The following CAMKMT variants were observed in gnomAD, a reference collection of about 807,000 sequenced individuals.
The protein encoded by CAMKMT is calmodulin-lysine N-methyltransferase.
A neutral mutation model predicts 48.0 loss-of-function variants in CAMKMT; 53 were observed. That is an observed-to-expected ratio of 1.10 (90% CI 0.89 to 1.39). CAMKMT has a LOEUF of 1.39. CAMKMT is among the 40% of genes most tolerant of loss of function. The probability of loss-of-function intolerance (pLI) is 0.00; values close to 1 mark genes in which losing one functional copy is unlikely to be tolerated. For missense variants in CAMKMT, 428 were observed against 402.7 expected (o/e 1.06, Z -0.54); for synonymous variants, 165 against 152.3 (o/e 1.08, Z -0.61).
At chr2:44,654,252 A>G (rs1296254076) in intron 3 of CAMKMT, among the ~76,000 whole-genome samples, 3 of 152,220 alleles carry the variant, frequency 2.0e-5, no homozygotes, top group Non-Finnish European at 4.4e-5. Flanking sequence ...TGTAATTTAC[A>G]TAGAATTTAG....
chr2:44,546,362 C>T (rs1667406154), intron 3 of CAMKMT, among the ~76,000 whole-genome samples: 1 of 152,188 alleles, frequency 6.6e-6, no homozygotes, highest in Admixed American at 6.5e-5. Flanking sequence ...TGCATCTCTC[C>T]TGAGGTCTAC....
In CAMKMT at chr2:44,362,304, C is replaced by T. The variant is rs113528142; in HGVS notation, c.138+159C>T. Among the ~76,000 whole-genome samples the T allele has an allele frequency of 3.0e-3, 457 of 152,274 alleles. 6 individuals are homozygous for T. The highest frequency in any genetic ancestry group is 6.5e-4 in the Non-Finnish European group (44 of 68,018). ...GAAGCTCCCCCTCGCTTCACCTAAGCGTCCCATCCAAGAGGAGGAATCATG... is the reference window on the plus strand; with the variant it reads ...GAAGCTCCCCCTCGCTTCACCTAAGTGTCCCATCCAAGAGGAGGAATCATG... On this transcript the variant is annotated intron_variant, in intron 1 of 10. Coordinates refer to ENST00000378494, the MANE Select transcript of CAMKMT (RefSeq NM_024766.5).
At chr2:44,533,029 G>A (rs1666575741) in intron 3 of CAMKMT, among the ~76,000 whole-genome samples, 1 of 151,830 alleles carries the variant, frequency 6.6e-6, no homozygotes, top group African/African-American at 2.4e-5. Flanking sequence ...GGCCAGGCTG[G>A]CCTCGAACTC....
chr2:44,712,435 T>C (rs988779208), intron 6 of CAMKMT, among the ~76,000 whole-genome samples: 4 of 152,110 alleles, frequency 2.6e-5, no homozygotes, highest in African/African-American at 7.2e-5. Context: ...ATATAACATG[T>C]ATATAATTTG....
intron 3 of CAMKMT, among the ~76,000 whole-genome samples, chr2:44,609,422 TA>T (rs1400058646): frequency 6.6e-6 from 1 of 152,220 alleles, no homozygotes; most frequent in Admixed American, 6.5e-5. Flanking sequence ...TCCATAGGTG[TA>T]TATACACAAT....
chr2:44,742,849 A>G (rs1679757177), intron 7 of CAMKMT, among the ~76,000 whole-genome samples: 1 of 152,192 alleles, frequency 6.6e-6, no homozygotes, highest in East Asian at 1.9e-4. Context: ...CAAAATAGAA[A>G]ATAGGAACAG....
At chr2:44,687,807 A>G (rs1042190672) in intron 3 of CAMKMT, among the ~76,000 whole-genome samples, 6 of 152,242 alleles carry the variant, frequency 3.9e-5, no homozygotes, top group Non-Finnish European at 8.8e-5. Flanking sequence ...GCAGCAAATG[A>G]AAGCAGGCAG....
At chr2:44,365,411 C>T (rs1678483749) in intron 1 of CAMKMT, among the ~76,000 whole-genome samples, 1 of 152,054 alleles carries the variant, frequency 6.6e-6, no homozygotes, top group South Asian at 2.1e-4. Flanking sequence ...TTGAGTCAAG[C>T]GAGTACTTAA....
chr2:44,625,664 A>G (rs151175787), intron 3 of CAMKMT, among the ~76,000 whole-genome samples: 3 of 152,208 alleles, frequency 2.0e-5, no homozygotes, highest in African/African-American at 7.2e-5. Flanking sequence ...TAGGAATGTG[A>G]TATATTTGAA....
chr2:44,764,809 A>G (rs77618275), intron 9 of CAMKMT, among the ~76,000 whole-genome samples: 2,714 of 152,318 alleles, frequency 0.018, 35 homozygotes, highest in South Asian at 0.033. Context: ...AGCTATCATT[A>G]TCATTGTCAT....
At chr2:44,490,334 G>C (rs923965853) in intron 3 of CAMKMT, among the ~76,000 whole-genome samples, 1 of 152,010 alleles carries the variant, frequency 6.6e-6, no homozygotes, top group African/African-American at 2.4e-5. Flanking sequence ...GGAGTGCAAT[G>C]GCGCGATCTT....
intron 3 of CAMKMT, among the ~76,000 whole-genome samples, chr2:44,569,424 ATT>A (rs1321355042): frequency 1.3e-5 from 2 of 152,120 alleles, no homozygotes; most frequent in African/African-American, 4.8e-5. Context: ...TCTGAAAATC[ATT>A]TTCTTTTTTT....
chr2:44,756,031 G>A (rs77166667), intron 9 of CAMKMT, among the ~76,000 whole-genome samples: 2,691 of 152,314 alleles, frequency 0.018, 39 homozygotes, highest in South Asian at 0.031. Context: ...CACCATCAGA[G>A]GGGAAATCCC....
At chr2:44,541,045 A>G (rs746062229) in intron 3 of CAMKMT, among the ~76,000 whole-genome samples, 6 of 152,074 alleles carry the variant, frequency 3.9e-5, no homozygotes, top group Non-Finnish European at 7.4e-5. Context: ...ATATTTCTGT[A>G]CCTTTTGTTC....
chr2:44,630,653 C>G (rs1283233597), intron 3 of CAMKMT, among the ~76,000 whole-genome samples: 1 of 151,852 alleles, frequency 6.6e-6, no homozygotes, highest in African/African-American at 2.4e-5. Context: ...AAAATGCTCA[C>G]CATCACTGGC....
Position 44,492,024 on chromosome 2 carries a change from A to G in CAMKMT, c.376+101719A>G, listed in dbSNP as rs557466605. The stretch of plus-strand genomic sequence containing the variant: ...TGAAGCACTGGTTAGGAATTTGAGA[A>G]CTGCAGATGTGAGACTCATCTAGAT... On this transcript the variant is annotated intron_variant, in intron 3 of 10. Transcript: ENST00000378494. Among the ~76,000 whole-genome samples the G allele has an allele frequency of 1.2e-4, 18 of 152,352 alleles. No individual in the cohort carries two copies. In the East Asian group the frequency reaches 3.5e-3, roughly 29 times the overall value.
In CAMKMT at chr2:44,657,213, A is replaced by C. The variant is rs537561794; in HGVS notation, c.377-47070A>C. 1.3e-5 allele frequency among the ~76,000 whole-genome samples: 2 copies of C among 152,338 alleles called. No homozygotes were observed. The highest frequency in any genetic ancestry group is 2.1e-4 in the South Asian group (1 of 4,828). On this transcript the variant is annotated intron_variant, in intron 3 of 10. Transcript: ENST00000378494. The surrounding 1 kb of genome is among the most constrained non-coding windows in gnomAD (Gnocchi z 4.3). Reference sequence around the variant, plus strand: ...GAGAGGTCAGGACCTCTCAGAGTTGAATTTTAGAAGATTCAGATAACTTCT... The same window carrying C: ...GAGAGGTCAGGACCTCTCAGAGTTGCATTTTAGAAGATTCAGATAACTTCT...
chr2:44,645,818 C>G (rs1473929847), intron 3 of CAMKMT, among the ~76,000 whole-genome samples: 2 of 152,164 alleles, frequency 1.3e-5, no homozygotes, highest in Non-Finnish European at 2.9e-5. Flanking sequence ...AAGACTCCAT[C>G]TCAAAAGGAA....
intron 1 of CAMKMT, among the ~76,000 whole-genome samples, chr2:44,366,174 TTTAA>T (rs1220067381): frequency 6.6e-6 from 1 of 152,236 alleles, no homozygotes; most frequent in African/African-American, 2.4e-5. Flanking sequence ...TTTTGTAATA[TTTAA>T]TTAATGACAA....
Sources: gnomAD v4.1 joint callset for allele counts (sites outside exome capture counted in the v4.1 genomes callset) on GRCh38, gnomAD v4.1.1 for gene constraint, Gnocchi (gnomAD v3.1) non-coding constraint, MANE v1.5 for transcripts, NCBI Gene and HGNC (gene_info 2026-07-23, HGNC 2026-07-21) for gene names.